The following GALNT13 variants were observed in gnomAD, a reference collection of about 807,000 sequenced individuals.
GALNT13 encodes the protein UDP-GalNAc:polypeptide N-acetylgalactosaminyltransferase 13.
Under a neutral mutation model 64.2 loss-of-function variants are expected in GALNT13, and 28 were observed. The ratio of observed to expected loss-of-function variants is 0.44; its 90% confidence interval spans 0.32 to 0.60. The LOEUF (loss-of-function observed/expected upper bound fraction) is 0.60, where lower values mean the gene tolerates loss of function less well. Ranked by LOEUF, GALNT13 falls within the 20% of genes least tolerant of loss-of-function variation. The probability of loss-of-function intolerance (pLI) is 0.05; values close to 1 mark genes in which losing one functional copy is unlikely to be tolerated. For missense variants in GALNT13, 577 were observed against 669.8 expected (o/e 0.86, Z 1.53); for synonymous variants, 214 against 224.6 (o/e 0.95, Z 0.42).
At chr2:153,330,019 T>C in the GALNT13 span, among the ~76,000 whole-genome samples, 915 of 152,326 alleles carry the variant, frequency 6.0e-3, 11 homozygotes, top group African/African-American at 0.021. Context: ...CCCAGCACCA[T>C]TTATTGAATA....
At chr2:154,429,369 C>T (rs1454801345) in intron 11 of GALNT13, among the ~76,000 whole-genome samples, 1 of 152,102 alleles carries the variant, frequency 6.6e-6, no homozygotes, top group Non-Finnish European at 1.5e-5. Context: ...AGCAAACAGC[C>T]TTATTCCGTA....
the GALNT13 span, among the ~76,000 whole-genome samples, chr2:153,695,301 C>T: frequency 6.6e-6 from 1 of 152,164 alleles, no homozygotes; most frequent in African/African-American, 2.4e-5. Context: ...CAAAGTGACT[C>T]ACTCTTATCA....
chr2:153,810,337 T>C, the GALNT13 span, among the ~76,000 whole-genome samples: 1 of 152,138 alleles, frequency 6.6e-6, no homozygotes, highest in Non-Finnish European at 1.5e-5. Context: ...TTTCCAAGTG[T>C]TGTGCGTGAT....
the GALNT13 span, among the ~76,000 whole-genome samples, chr2:153,465,483 C>T: frequency 3.3e-5 from 5 of 150,964 alleles, no homozygotes; most frequent in East Asian, 9.7e-4. Flanking sequence ...GCTGGGACTA[C>T]ATCTTGTGCC....
chr2:153,680,595 T>C, the GALNT13 span, among the ~76,000 whole-genome samples: 1 of 151,904 alleles, frequency 6.6e-6, no homozygotes, highest in South Asian at 2.1e-4. Flanking sequence ...CCATAGGCTG[T>C]CATAAACTTG....
chr2:153,598,039 T>A, the GALNT13 span, among the ~76,000 whole-genome samples: 1 of 152,072 alleles, frequency 6.6e-6, no homozygotes, highest in African/African-American at 2.4e-5. Flanking sequence ...CTTAAAATGT[T>A]AAATATAGAG....
the GALNT13 span, among the ~76,000 whole-genome samples, chr2:153,660,451 C>T: frequency 6.6e-6 from 1 of 151,848 alleles, no homozygotes; most frequent in South Asian, 2.1e-4. Context: ...GGAACTGATA[C>T]TGTATGATTT....
chr2:153,262,279 G>A, the GALNT13 span, among the ~76,000 whole-genome samples: 7 of 152,094 alleles, frequency 4.6e-5, no homozygotes, highest in African/African-American at 1.2e-4. Flanking sequence ...TAAATTCATC[G>A]GCAGTTGATG....
At chr2:153,979,811 G>A (rs182939601) in intron 3 of GALNT13, among the ~76,000 whole-genome samples, 3 of 152,182 alleles carry the variant, frequency 2.0e-5, no homozygotes, top group East Asian at 3.9e-4. Context: ...GCTTTTTGCC[G>A]AGACAAAAAA....
chr2:153,368,079 C>G, the GALNT13 span, among the ~76,000 whole-genome samples: 2 of 152,036 alleles, frequency 1.3e-5, no homozygotes, highest in Non-Finnish European at 2.9e-5. Context: ...AATATAAAGA[C>G]ATAACAGATA....
chr2:153,353,281 G>T, the GALNT13 span, among the ~76,000 whole-genome samples: 1 of 152,000 alleles, frequency 6.6e-6, no homozygotes, highest in Non-Finnish European at 1.5e-5. Context: ...GAAAGTGATT[G>T]GGTTTTACAC....
At chr2:154,246,070 T>A in intron 7 of GALNT13, 88 bp downstream of exon 7, 1 of 832,858 alleles carries the variant, frequency 1.2e-6, no homozygotes, top group Non-Finnish European at 1.8e-6. Flanking sequence ...TTTAATTATT[T>A]AATTGTATCC....
At chr2:153,402,361 T>G in the GALNT13 span, among the ~76,000 whole-genome samples, 21 of 150,532 alleles carry the variant, frequency 1.4e-4, no homozygotes, top group African/African-American at 4.9e-4. Flanking sequence ...GCCCTTAACA[T>G]TTTTTCCTTC....
At chr2:153,398,251 C>T in the GALNT13 span, among the ~76,000 whole-genome samples, 1 of 152,156 alleles carries the variant, frequency 6.6e-6, no homozygotes, top group African/African-American at 2.4e-5. Context: ...AGGACATAAA[C>T]TCATCATTTT....
intron 12 of GALNT13, among the ~76,000 whole-genome samples, chr2:154,450,100 C>A (rs1388564845): frequency 2.6e-5 from 4 of 152,016 alleles, no homozygotes; most frequent in African/African-American, 9.7e-5. Context: ...TTGCAGTCCT[C>A]AACTGAACTC....
chr2:154,349,489 C>T (rs996848344), intron 9 of GALNT13, among the ~76,000 whole-genome samples: 5 of 152,188 alleles, frequency 3.3e-5, no homozygotes, highest in African/African-American at 1.2e-4. Flanking sequence ...CTGGAAAAGT[C>T]AGAATGTTCT....
the GALNT13 span, among the ~76,000 whole-genome samples, chr2:153,091,922 A>G: frequency 6.6e-6 from 1 of 152,148 alleles, no homozygotes; most frequent in Non-Finnish European, 1.5e-5. Flanking sequence ...ATGCCCAGAC[A>G]AGTGTCCTGG....
intron 3 of GALNT13, among the ~76,000 whole-genome samples, chr2:154,091,235 G>A (rs1382526256): frequency 6.6e-6 from 1 of 151,870 alleles, no homozygotes; most frequent in Non-Finnish European, 1.5e-5. Flanking sequence ...ATGTTATGTT[G>A]TAAAATTTTA....
the GALNT13 span, among the ~76,000 whole-genome samples, chr2:153,345,637 T>TTCTTTCTTTCTTTC: frequency 3.0e-5 from 2 of 66,780 alleles, no homozygotes; most frequent in African/African-American, 1.3e-4. Flanking sequence ...TCCTTTCTTT[T>TTCTTTCTTTCTTTC]TCTTTCTTTC....
Sources: gnomAD v4.1 joint callset for allele counts (sites outside exome capture counted in the v4.1 genomes callset) on GRCh38, gnomAD v4.1.1 for gene constraint, MANE v1.5 for transcripts, NCBI Gene and HGNC (gene_info 2026-07-23, HGNC 2026-07-21) for gene names.